ABAT: variants seen among roughly 807,000 people sequenced by gnomAD.
ABAT encodes 4-aminobutyrate aminotransferase, mitochondrial.
A neutral mutation model predicts 64.6 loss-of-function variants in ABAT; 45 were observed. The observed-to-expected ratio is 0.70, with a 90% CI of 0.55 to 0.89. The LOEUF (loss-of-function observed/expected upper bound fraction) is 0.89, where lower values mean the gene tolerates loss of function less well. Among genes scored for constraint, ABAT ranks in the 40% least tolerant of loss-of-function variants. The pLI is 0.00. For missense variants in ABAT, 633 were observed against 658.4 expected (o/e 0.96, Z 0.42); for synonymous variants, 297 against 250.5 (o/e 1.19, Z -1.75).
At chr16:8,768,288 C>A (rs769070363) in intron 10 of ABAT, 32 bp downstream of exon 10, 1 of 1,607,080 alleles carries the variant, frequency 6.2e-7, no homozygotes, top group Non-Finnish European at 8.5e-7. Context: ...CCCAAGGTGG[C>A]GTTTAGAATA....
intron 5 of ABAT, among the ~76,000 whole-genome samples, chr16:8,756,336 A>C (rs1327010430): frequency 6.6e-6 from 1 of 152,244 alleles, no homozygotes; most frequent in African/African-American, 2.4e-5. Context: ...ATCTTGCTTG[A>C]GTTTAACATA....
rs1227992722 is a variant in ABAT, at chr16:8,782,629, C to T, written c.*1199C>T. The T allele has an allele frequency of 6.6e-6, 1 of 152,260 alleles. No individual in the cohort carries two copies. Among genetic ancestry groups the T allele is most frequent in the Non-Finnish European group, 1.5e-5 (1 of 68,074 alleles). The allele number at this position is 152,260 out of a possible 1,614,324, so 9.4% of individuals were successfully genotyped here. A position where few individuals can be genotyped will look rare whatever the true frequency, so the allele number is the denominator to read the frequency against. On this transcript the variant is annotated 3_prime_UTR_variant, in exon 16 of 16. Transcript: ENST00000268251. ...TGAGATGACTGAGTATGGAGATTAC[C>T]AGGCAGATGATACCGAAATGCTTAA...
chr16:8,691,496 GTGGCACAATTT>G (rs1489110300), intron 1 of ABAT, among the ~76,000 whole-genome samples: 5 of 152,104 alleles, frequency 3.3e-5, no homozygotes, highest in Non-Finnish European at 5.9e-5. Context: ...TTGGAGTGCA[GTGGCACAATTT>G]TGGCTCAATG....
intron 11 of ABAT, among the ~76,000 whole-genome samples, chr16:8,772,465 G>C (rs892759704): frequency 6.6e-6 from 1 of 152,132 alleles, no homozygotes; most frequent in East Asian, 1.9e-4. Flanking sequence ...TTCTCATTCA[G>C]TCCTCTCCAC....
At chr16:8,723,148 A>C (rs1003473695) in intron 1 of ABAT, among the ~76,000 whole-genome samples, 1 of 152,110 alleles carries the variant, frequency 6.6e-6, no homozygotes, top group Non-Finnish European at 1.5e-5. Context: ...CAGGAGAATC[A>C]CTTGAATCCG....
intron 1 of ABAT, among the ~76,000 whole-genome samples, chr16:8,719,859 T>A (rs1452657408): frequency 6.6e-6 from 1 of 152,256 alleles, no homozygotes; most frequent in African/African-American, 2.4e-5. Context: ...GTCGCCAGGT[T>A]GGAGAGCAGT....
At position 8,776,717 on chromosome 16, in the gene ABAT, T is replaced by C. The variant is rs1357067906; in HGVS notation, c.1269+227T>C. On this transcript the variant is annotated intron_variant, in intron 14 of 15. Coordinates refer to ENST00000268251, the MANE Select transcript of ABAT (RefSeq NM_020686.6). This position sits in a 1 kb window ranked among gnomAD's most constrained non-coding sequence, Gnocchi z 4.4. ...ACCCCTATTCCTGAACTCCTGGTTT[T>C]CTTTGTTGTTGTTTTTTTTAATTTA... 6.6e-6 allele frequency among the ~76,000 whole-genome samples: 1 copy of C among 152,164 alleles called. No homozygotes were observed. Among genetic ancestry groups the C allele is most frequent in the Non-Finnish European group, 1.5e-5 (1 of 68,026 alleles).
At chr16:8,732,905 G>A (rs537023502) in intron 1 of ABAT, among the ~76,000 whole-genome samples, 12 of 149,398 alleles carry the variant, frequency 8.0e-5, no homozygotes, top group African/African-American at 2.3e-4. Flanking sequence ...ACCTCCGGAC[G>A]GGGCGGCTGG....
intron 1 of ABAT, among the ~76,000 whole-genome samples, chr16:8,725,417 T>C (rs2058521548): frequency 6.6e-6 from 1 of 152,192 alleles, no homozygotes; most frequent in African/African-American, 2.4e-5. Context: ...ATTTTCTGTC[T>C]TTGTAGATTC....
chr16:8,768,564 G>A (rs780199799), intron 10 of ABAT, among the ~76,000 whole-genome samples: 5 of 152,108 alleles, frequency 3.3e-5, no homozygotes, highest in Non-Finnish European at 7.3e-5. Flanking sequence ...GCCAATTAAG[G>A]GTTCGAGAGT....
intron 6 of ABAT, 35 bp downstream of exon 6, chr16:8,757,841 T>C: frequency 1.2e-6 from 2 of 1,602,352 alleles, no homozygotes; most frequent in Non-Finnish European, 1.7e-6. Flanking sequence ...AAAGACAAAA[T>C]ATGTTCATGG....
At chr16:8,768,701 A>C in intron 10 of ABAT, 124 bp from the exon 11 acceptor site, 2 of 1,341,000 alleles carry the variant, frequency 1.5e-6, no homozygotes, top group Non-Finnish European at 2.1e-6. Context: ...CTGGGGTTTC[A>C]CAGGCAACAG....
intron 1 of ABAT, among the ~76,000 whole-genome samples, chr16:8,727,761 G>C (rs992076193): frequency 3.3e-5 from 5 of 152,122 alleles, no homozygotes; most frequent in Admixed American, 6.6e-5. Context: ...ATCCATCTTG[G>C]TTTCTCCTAA....
At chr16:8,754,661 GATTTATTTATTTCTTTCTTTCTTT>G (rs1337773351) in intron 5 of ABAT, among the ~76,000 whole-genome samples, 9 of 16,768 alleles carry the variant, frequency 5.4e-4, no homozygotes, top group Non-Finnish European at 4.0e-3. Flanking sequence ...TCAGCAAGTT[GATTTATTTATTTCTTTCTTTCTTT>G]CTTTCTTTCT....
rs977727776 is a variant in ABAT, at chr16:8,769,834, GA to G, written c.816+868del. On this transcript the variant is annotated intron_variant, in intron 11 of 15. Coordinates refer to ENST00000268251, the MANE Select transcript of ABAT (RefSeq NM_020686.6). ...AGACATTGGAAGTAATCTGCAGCTG[GA>G]AAAAAATATCACTGTTTGGGTATAG... Among the ~76,000 whole-genome samples, 155 of 152,154 alleles carry G rather than the reference GA, an allele frequency of 1.0e-3. No individual in the cohort carries two copies. In the Middle Eastern group the frequency reaches 0.01, roughly 10 times the overall value.
chr16:8,758,017 A>G (rs1435205325), intron 6 of ABAT, among the ~76,000 whole-genome samples: 4 of 152,236 alleles, frequency 2.6e-5, no homozygotes, highest in South Asian at 2.1e-4. Context: ...AACCACACAC[A>G]TGAATAGAGA....
In ABAT at chr16:8,674,933, G is replaced by A. The variant is rs538117671; in HGVS notation, c.-42+222G>A. On this transcript the variant is annotated intron_variant, in intron 1 of 15. Transcript: ENST00000268251. Reference sequence around the variant, plus strand: ...CCTTCAGAAATGGGCCCTTCCTCCTGGCTCCAGCTCTAGACAGAAGTCCTC... The same window carrying A: ...CCTTCAGAAATGGGCCCTTCCTCCTAGCTCCAGCTCTAGACAGAAGTCCTC... Among the ~76,000 whole-genome samples the A allele has an allele frequency of 1.3e-5, 2 of 152,138 alleles. 1 individual carries two copies. Among genetic ancestry groups the A allele is most frequent in the South Asian group, 4.2e-4 (2 of 4,816 alleles).
At chr16:8,735,350 C>A (rs556545211) in intron 1 of ABAT, among the ~76,000 whole-genome samples, 1 of 152,066 alleles carries the variant, frequency 6.6e-6, no homozygotes, top group Non-Finnish European at 1.5e-5. Context: ...TTCCTGGGCT[C>A]AAGCGATCCT....
intron 1 of ABAT, among the ~76,000 whole-genome samples, chr16:8,732,599 GAA>G (rs2058763861): frequency 6.6e-6 from 1 of 151,682 alleles, no homozygotes; most frequent in African/African-American, 2.4e-5. Flanking sequence ...AGAACAAAAT[GAA>G]AAGTCTCCCA....
Sources: gnomAD v4.1 joint callset for allele counts (sites outside exome capture counted in the v4.1 genomes callset) on GRCh38, gnomAD v4.1.1 for gene constraint, Gnocchi (gnomAD v3.1) non-coding constraint, MANE v1.5 for transcripts, NCBI Gene and HGNC (gene_info 2026-07-23, HGNC 2026-07-21) for gene names.